The following TNS3 variants were observed in gnomAD, a reference collection of about 807,000 sequenced individuals.
The protein encoded by TNS3 is tensin 3, also known as tensin-3.
TNS3 carries 45 observed loss-of-function variants against 140.9 expected under a neutral mutation model. The ratio of observed to expected loss-of-function variants is 0.32; its 90% confidence interval spans 0.25 to 0.41. The LOEUF (loss-of-function observed/expected upper bound fraction) is 0.41. Ranked by LOEUF, TNS3 falls within the 10% of genes least tolerant of loss-of-function variation. TNS3 has a pLI of 1.00. For synonymous variants in TNS3, 815 were observed against 788.4 expected (o/e 1.03, Z -0.56); for missense variants, 1,716 against 1,906.7 (o/e 0.90, Z 1.86).
Position 47,407,718 on chromosome 7 carries a change from T to G in TNS3, c.723+4009A>C, listed in dbSNP as rs891082372. Among the ~76,000 whole-genome samples the G allele has an allele frequency of 2.0e-5, 3 of 152,096 alleles. No individual in the cohort carries two copies. The highest frequency in any genetic ancestry group is 7.2e-5 in the African/African-American group (3 of 41,408). On this transcript the variant is annotated intron_variant, in intron 13 of 30. Coordinates refer to ENST00000311160, the MANE Select transcript of TNS3 (RefSeq NM_022748.12). The surrounding 1 kb of genome is among the most constrained non-coding windows in gnomAD (Gnocchi z 4.1). ...ATGAGGTCATTAGGCTGGGCCCGAATGAATGATAACTGGTGTCCTTGTAAG... is the reference window on the plus strand; with the variant it reads ...ATGAGGTCATTAGGCTGGGCCCGAAGGAATGATAACTGGTGTCCTTGTAAG...
At chr7:47,447,174 G>C (rs1251310015) in intron 4 of TNS3, among the ~76,000 whole-genome samples, 1 of 149,994 alleles carries the variant, frequency 6.7e-6, no homozygotes, top group Non-Finnish European at 1.5e-5. Context: ...GAGTCAGTGA[G>C]TGAAAAGTGA....
At position 47,404,884 on chromosome 7, in the gene TNS3, AAAAAATAAAAAT is replaced by A. The variant is rs558636557; in HGVS notation, c.724-3982_724-3971del. ...GGGTGACAGAGAGACACTCAGTCTC[AAAAAATAAAAAT>A]AAAAATAAAAATAAAAATATGCCTG... On this transcript the variant is annotated intron_variant, in intron 13 of 30. Coordinates refer to ENST00000311160, the MANE Select transcript of TNS3 (RefSeq NM_022748.12). Among the ~76,000 whole-genome samples the A allele has an allele frequency of 8.2e-4, 124 of 152,096 alleles. No homozygotes were observed. The East Asian group carries it at 8.3e-3, about 10-fold the overall frequency.
In TNS3 at chr7:47,445,501, C is replaced by G. The variant is rs138559937; in HGVS notation, c.-75-3446G>C. Among the ~76,000 whole-genome samples, 427 of 152,340 alleles carry G rather than the reference C, an allele frequency of 2.8e-3. 1 individual carries two copies. Among genetic ancestry groups the G allele is most frequent in the African/African-American group, 9.9e-3 (412 of 41,578 alleles). ...CTGGCTTTCAGGTGGTCCACACCCT[C>G]TCCTGCACAGGCTGCCCCTGAATCA... On this transcript the variant is annotated intron_variant, in intron 4 of 30. Transcript: ENST00000311160.
At chr7:47,411,639 A>T (rs1793775353) in intron 13 of TNS3, 88 bp downstream of exon 13, 1 of 1,364,178 alleles carries the variant, frequency 7.3e-7, no homozygotes, top group Non-Finnish European at 1.0e-6. Context: ...GGTGAGGGTT[A>T]CTGTTTTAAC....
At chr7:47,433,346 C>A (rs1038292010) in intron 8 of TNS3, among the ~76,000 whole-genome samples, 1 of 152,174 alleles carries the variant, frequency 6.6e-6, no homozygotes, top group African/African-American at 2.4e-5. Flanking sequence ...AATTTCTAAG[C>A]GTTTCAAAAA....
chr7:47,355,274 G>T (rs1022897168), intron 17 of TNS3, among the ~76,000 whole-genome samples: 2 of 152,230 alleles, frequency 1.3e-5, no homozygotes, highest in African/African-American at 2.4e-5. Context: ...GGCCCCACAG[G>T]AGGAGCTGGG....
intron 27 of TNS3, among the ~76,000 whole-genome samples, chr7:47,290,657 G>A (rs1434613461): frequency 6.6e-6 from 1 of 152,148 alleles, no homozygotes; most frequent in Non-Finnish European, 1.5e-5. Context: ...TATTAGAAAG[G>A]CCACATTCCA....
chr7:47,401,861 G>A (rs946556353), intron 13 of TNS3, among the ~76,000 whole-genome samples: 1 of 152,244 alleles, frequency 6.6e-6, no homozygotes, highest in Admixed American at 6.5e-5. Flanking sequence ...CCAGAAGGCC[G>A]AAGGCCCTGG....
chr7:47,399,938 A>G (rs1793061046), intron 15 of TNS3, among the ~76,000 whole-genome samples: 1 of 152,176 alleles, frequency 6.6e-6, no homozygotes. Context: ...ACAAAGAGCT[A>G]ATATCCAAAA....
intron 16 of TNS3, among the ~76,000 whole-genome samples, chr7:47,387,321 A>G (rs965582577): frequency 3.3e-5 from 5 of 152,218 alleles, no homozygotes; most frequent in Admixed American, 1.3e-4. Context: ...CCAACTTGGA[A>G]TCCTGGAGCC....
At position 47,415,112 on chromosome 7, in the gene TNS3, TG is replaced by T; in HGVS notation, c.567del (p.Asn190ThrfsTer12). ...FLHFVILHGTPNFDTGGVCRP... is the reference protein window; with the variant it reads ...FLHFVILHGTXNFDTGGVCRP... ...CACTCACCTCCACCTGTGTCGAAGT[TG>T]GGGGTGCCGTGGAGGATGACAAAAT... On this transcript the variant is annotated frameshift_variant, in exon 11 of 31. Coordinates refer to ENST00000311160, the MANE Select transcript of TNS3 (RefSeq NM_022748.12). LOFTEE classifies it high-confidence loss of function. 1 of 1,611,892 alleles carries T rather than the reference TG, an allele frequency of 6.2e-7. No homozygotes were observed. The highest frequency in any genetic ancestry group is 8.5e-7 in the Non-Finnish European group (1 of 1,179,138).
chr7:47,329,184 A>C (rs945899012), intron 20 of TNS3, among the ~76,000 whole-genome samples: 1 of 152,148 alleles, frequency 6.6e-6, no homozygotes, highest in Admixed American at 6.5e-5. Context: ...GACACGGTAC[A>C]TTACTCAGGG....
chr7:47,338,531 C>T (rs1788762631), intron 20 of TNS3, among the ~76,000 whole-genome samples: 1 of 152,026 alleles, frequency 6.6e-6, no homozygotes, highest in African/African-American at 2.4e-5. Flanking sequence ...TTTTTTCCTA[C>T]TGAATAAAAA....
chr7:47,298,127 G>C (rs191410734), intron 23 of TNS3, among the ~76,000 whole-genome samples: 1 of 152,166 alleles, frequency 6.6e-6, no homozygotes, highest in Non-Finnish European at 1.5e-5. Flanking sequence ...GATAGAAAGG[G>C]CATACCCAAA....
chr7:47,447,210 T>C (rs1296244773), intron 4 of TNS3, among the ~76,000 whole-genome samples: 2 of 152,090 alleles, frequency 1.3e-5, no homozygotes, highest in Non-Finnish European at 2.9e-5. Context: ...AGATAAAAAA[T>C]TAGATGCACT....
At position 47,555,401 on chromosome 7, in the gene TNS3, C is replaced by CA. The variant is rs59842217; in HGVS notation, c.-264-26255dup. On this transcript the variant is annotated intron_variant, in intron 1 of 30. Transcript: ENST00000311160. ...GAGGGACAAGAGCAAGACTTTGTCT[C>CA]AAAAAAAAAAAAAAAAGAAAGTTAC... is the stretch of plus-strand genomic sequence containing the variant. Among the ~76,000 whole-genome samples, 638 of 117,792 alleles carry CA rather than the reference C, an allele frequency of 5.4e-3. 1 individual carries two copies. The highest frequency in any genetic ancestry group is 8.9e-3 in the Non-Finnish European group (485 of 54,402). 77.3% of individuals were successfully genotyped at this position (117,792 alleles called of 152,430 possible).
At chr7:47,574,647 A>C (rs959823607) in intron 1 of TNS3, among the ~76,000 whole-genome samples, 10 of 146,756 alleles carry the variant, frequency 6.8e-5, no homozygotes, top group African/African-American at 2.7e-4. Flanking sequence ...ACACACACAC[A>C]CCCCCACACA....
chr7:47,379,676 C>T (rs1030704482), intron 16 of TNS3, among the ~76,000 whole-genome samples: 1 of 152,212 alleles, frequency 6.6e-6, no homozygotes, highest in African/African-American at 2.4e-5. Context: ...CAGAATAACT[C>T]CATTCTAAGG....
intron 1 of TNS3, among the ~76,000 whole-genome samples, chr7:47,567,399 G>A (rs1021813472): frequency 6.6e-6 from 1 of 152,096 alleles, no homozygotes; most frequent in African/African-American, 2.4e-5. Context: ...ACTTTAAGAC[G>A]TGAGGCCAGG....
Sources: allele counts gnomAD v4.1 joint callset (sites outside exome capture counted in the v4.1 genomes callset), GRCh38; gene constraint gnomAD v4.1.1; non-coding constraint Gnocchi (gnomAD v3.1); transcripts MANE v1.5; gene names NCBI Gene and HGNC (gene_info 2026-07-23, HGNC 2026-07-21).